CBX5: variants seen among roughly 807,000 people sequenced by gnomAD.
CBX5 encodes the protein chromobox 5.
Under a neutral mutation model 20.7 loss-of-function variants are expected in CBX5, and 7 were observed. The ratio of observed to expected loss-of-function variants is 0.34; its 90% CI spans 0.19 to 0.63. CBX5 has a LOEUF of 0.63. CBX5 is among the 30% of genes least tolerant of loss of function. CBX5 has a pLI of 0.75. For missense variants in CBX5, 110 were observed against 224.1 expected (o/e 0.49, Z 3.25); for synonymous variants, 78 against 77.0 (o/e 1.01, Z -0.07).
At chr12:54,269,743 T>C (rs1254753978) in intron 1 of CBX5, among the ~76,000 whole-genome samples, 1 of 152,152 alleles carries the variant, frequency 6.6e-6, no homozygotes, top group Non-Finnish European at 1.5e-5. Flanking sequence ...TTTTCCTTAA[T>C]AGAGATAGGG....
At chr12:54,257,371 T>C in intron 2 of CBX5, 143 bp downstream of exon 2, 2 of 728,554 alleles carry the variant, frequency 2.7e-6, no homozygotes, top group Non-Finnish European at 4.5e-6. Context: ...GATTTTGTTT[T>C]CTTTACTGCT....
intron 1 of CBX5, among the ~76,000 whole-genome samples, chr12:54,269,511 C>T (rs2137029830): frequency 6.6e-6 from 1 of 152,146 alleles, no homozygotes; most frequent in Non-Finnish European, 1.5e-5. Flanking sequence ...GCCTCAGCCT[C>T]CCGAGTAGCT....
chr12:54,250,870 G>A (rs1048194425), intron 3 of CBX5, among the ~76,000 whole-genome samples: 35 of 138,790 alleles, frequency 2.5e-4, no homozygotes, highest in African/African-American at 7.1e-4. Flanking sequence ...GGTGGCTCAC[G>A]CCTGTAATCC....
At chr12:54,246,505 G>A (rs1296326084) in intron 3 of CBX5, among the ~76,000 whole-genome samples, 2 of 152,186 alleles carry the variant, frequency 1.3e-5, no homozygotes, top group Admixed American at 6.5e-5. Flanking sequence ...CGGAGTCAGA[G>A]GCATGGTGGC....
chr12:54,273,599 C>T (rs1404161659), intron 1 of CBX5: 1 of 152,108 alleles, frequency 6.6e-6, no homozygotes, highest in Non-Finnish European at 1.5e-5. Context: ...CATATGTATC[C>T]TTATAATACA....
intron 1 of CBX5, among the ~76,000 whole-genome samples, chr12:54,267,493 T>G (rs988408575): frequency 6.6e-6 from 1 of 152,042 alleles, no homozygotes; most frequent in African/African-American, 2.4e-5. Flanking sequence ...GAAGAGCCTG[T>G]GTTAAGTCAG....
Position 54,240,489 on chromosome 12 carries a change from A to T in CBX5, c.*1266T>A, listed in dbSNP as rs536294090. On this transcript the variant is annotated 3_prime_UTR_variant, in exon 5 of 5. Coordinates refer to ENST00000209875, the MANE Select transcript of CBX5 (RefSeq NM_012117.3). ...CAATTCTCCTGCCTCAGCCTCCCAA[A>T]GTGCTGGGATTACAGGCGGTAGCCA... 1 of 152,264 alleles carries T rather than the reference A, an allele frequency of 6.6e-6. No homozygotes were observed. The highest frequency in any genetic ancestry group is 1.9e-4 in the East Asian group (1 of 5,186). The allele number at this position is 152,264 out of a possible 1,614,324, so 9.4% of individuals were successfully genotyped here. A position where few individuals can be genotyped will look rare whatever the true frequency, so the allele number is the denominator to read the frequency against.
At chr12:54,256,016 T>G (rs1943859790) in intron 2 of CBX5, 1 of 152,224 alleles carries the variant, frequency 6.6e-6, no homozygotes, top group Non-Finnish European at 1.5e-5. Flanking sequence ...TTTGTTCCAG[T>G]CTTTTATGAA....
chr12:54,263,779 AAAAAG>A (rs1334888268), intron 1 of CBX5, among the ~76,000 whole-genome samples: 4 of 149,170 alleles, frequency 2.7e-5, no homozygotes, highest in Admixed American at 6.7e-5. Flanking sequence ...AAAAAAAAAA[AAAAAG>A]AAAAGAAAAA....
chr12:54,247,592 G>A (rs769047961), intron 3 of CBX5, among the ~76,000 whole-genome samples: 5 of 152,140 alleles, frequency 3.3e-5, no homozygotes, highest in Admixed American at 6.6e-5. Context: ...TCTAAATGTA[G>A]TAATACAATC....
intron 1 of CBX5, chr12:54,271,834 A>C (rs1252921988): frequency 6.6e-6 from 1 of 152,258 alleles, no homozygotes; most frequent in Non-Finnish European, 1.5e-5. Flanking sequence ...AATGTTTAAT[A>C]ATCAAGGAAG....
At chr12:54,267,176 C>A (rs1943965021) in intron 1 of CBX5, among the ~76,000 whole-genome samples, 3 of 152,156 alleles carry the variant, frequency 2.0e-5, no homozygotes, top group Non-Finnish European at 4.4e-5. Flanking sequence ...AAGAACCTGG[C>A]AATTTCATCA....
intron 2 of CBX5, among the ~76,000 whole-genome samples, chr12:54,252,845 T>C (rs959656412): frequency 2.4e-4 from 36 of 151,704 alleles, no homozygotes; most frequent in African/African-American, 8.7e-4. Flanking sequence ...ATTAGCTTGG[T>C]GTGGTGGTAC....
rs1349079243 is a variant in CBX5 at position 54,250,791 on chromosome 12, G to A, written c.324+1250C>T. Among the ~76,000 whole-genome samples, 18 of 98,566 alleles carry A rather than the reference G, an allele frequency of 1.8e-4. No homozygotes were observed. In the Admixed American group the frequency reaches 2.4e-3, roughly 13 times the overall value. 64.7% of individuals were successfully genotyped at this position (98,566 alleles called of 152,430 possible). ...CTGCAGTCCGCAGTCCGGCCTGTGC[G>A]ACAGAGCGAGACTCCGTCTCAAAAA... On this transcript the variant is annotated intron_variant, in intron 3 of 4. Transcript: ENST00000209875.
In CBX5 at chr12:54,255,252, C is replaced by A. The variant is rs117582773; in HGVS notation, c.137+2262G>T. On this transcript the variant is annotated intron_variant, in intron 2 of 4. Coordinates refer to ENST00000209875, the MANE Select transcript of CBX5 (RefSeq NM_012117.3). Reference sequence around the variant, plus strand: ...GACCAGCCTGGGTAACACAGTGAGACCCTGTCTCTATTTTGAAGATAAAAA... The same window carrying A: ...GACCAGCCTGGGTAACACAGTGAGAACCTGTCTCTATTTTGAAGATAAAAA... Among the ~76,000 whole-genome samples, 1,397 of 152,100 alleles carry A rather than the reference C, an allele frequency of 9.2e-3. 9 individuals are homozygous for A. Among genetic ancestry groups the A allele is most frequent in the Non-Finnish European group, 0.016 (1,114 of 67,970 alleles).
chr12:54,260,213 AG>A (rs1183356967), intron 1 of CBX5, among the ~76,000 whole-genome samples: 1 of 151,434 alleles, frequency 6.6e-6, no homozygotes, highest in Admixed American at 6.6e-5. Flanking sequence ...GTGGAGGGCC[AG>A]GTGCAGTGGC....
Position 54,237,666 on chromosome 12 carries a change from A to C in CBX5, c.*4089T>G, listed in dbSNP as rs74429986. On this transcript the variant is annotated 3_prime_UTR_variant, in exon 5 of 5. Transcript: ENST00000209875. Reference sequence around the variant, plus strand: ...TGGGGACAGGAATTCCAAGAGTCTGAGTGAAGATGTGGTTGGAAGCCTTCT... The same window carrying C: ...TGGGGACAGGAATTCCAAGAGTCTGCGTGAAGATGTGGTTGGAAGCCTTCT... 512 of 155,310 alleles carry C rather than the reference A, an allele frequency of 3.3e-3. 5 individuals are homozygous for C. Among genetic ancestry groups the C allele is most frequent in the South Asian group, 8.1e-3 (40 of 4,926 alleles). 9.6% of individuals were successfully genotyped at this position (155,310 alleles called of 1,614,324 possible).
At chr12:54,263,762 C>CAAAAAAAAAAAAAAAAA (rs66591051) in intron 1 of CBX5, among the ~76,000 whole-genome samples, 1 of 37,886 alleles carries the variant, frequency 2.6e-5, no homozygotes, top group East Asian at 5.8e-4. Context: ...GACTCTATCT[C>CAAAAAAAAAAAAAAAAA]AAAAAAAAAA....
chr12:54,273,441 T>C (rs1944029587), intron 1 of CBX5: 1 of 152,150 alleles, frequency 6.6e-6, no homozygotes, highest in Non-Finnish European at 1.5e-5. Context: ...AGACTCTGTC[T>C]CAAAATAAAC....
Sources: allele counts gnomAD v4.1 joint callset (sites outside exome capture counted in the v4.1 genomes callset), GRCh38; gene constraint gnomAD v4.1.1; transcripts MANE v1.5; gene names NCBI Gene and HGNC (gene_info 2026-07-23, HGNC 2026-07-21).